CHL1: variants seen among roughly 807,000 people sequenced by gnomAD.
The protein encoded by CHL1 is cell adhesion molecule L1 like, also known as neural cell adhesion molecule L1-like protein.
In CHL1, 96 loss-of-function variants were observed where a neutral mutation model predicts 141.9. The observed-to-expected ratio is 0.68, with a 90% CI of 0.57 to 0.80. The LOEUF (loss-of-function observed/expected upper bound fraction) is 0.80, where lower values mean the gene tolerates loss of function less well. Among genes scored for constraint, CHL1 ranks in the 30% least tolerant of loss-of-function variants. The pLI, the probability that CHL1 is intolerant of heterozygous loss-of-function variation, is 0.00. For synonymous variants in CHL1, 613 were observed against 502.2 expected, an observed-to-expected ratio of 1.22 and a Z score of -2.95; for missense variants, 1,820 against 1,457.2, an observed-to-expected ratio of 1.25 and a Z score of -4.05.
At chr3:327,776 T>C (rs1319560140) in intron 4 of CHL1, among the ~76,000 whole-genome samples, 1 of 151,968 alleles carries the variant, frequency 6.6e-6, no homozygotes, top group Non-Finnish European at 1.5e-5. Context: ...TTAGCAAGTG[T>C]AATAATACTG....
chr3:301,503 C>CA (rs2124904982), intron 2 of CHL1, among the ~76,000 whole-genome samples: 1 of 152,288 alleles, frequency 6.6e-6, no homozygotes, highest in South Asian at 2.1e-4. Flanking sequence ...CCATTATCCC[C>CA]ACTGAATAAT....
intron 1 of CHL1, chr3:217,495 T>C (rs900692698): frequency 1.3e-5 from 2 of 152,142 alleles, no homozygotes; most frequent in Non-Finnish European, 2.9e-5. Context: ...AAACTTACTT[T>C]AGAAAGGATT....
intron 1 of CHL1, chr3:197,748 C>T (rs781216957): frequency 2.2e-6 from 1 of 455,122 alleles, no homozygotes; most frequent in East Asian, 7.0e-5. Context: ...CCCAGACCGC[C>T]GAGGGGCGAG....
chr3:247,914 C>G (rs570431760), intron 2 of CHL1: 1 of 151,284 alleles, frequency 6.6e-6, no homozygotes, highest in African/African-American at 2.4e-5. Flanking sequence ...TTTTTTCTTT[C>G]CCATGATATG....
intron 2 of CHL1, among the ~76,000 whole-genome samples, chr3:276,547 C>T (rs1190533504): frequency 6.6e-6 from 1 of 152,090 alleles, no homozygotes; most frequent in Non-Finnish European, 1.5e-5. Flanking sequence ...AAGAGTCGTA[C>T]ACTGATCTCA....
intron 1 of CHL1, among the ~76,000 whole-genome samples, chr3:234,258 T>C (rs1691721919): frequency 6.6e-6 from 1 of 151,850 alleles, no homozygotes; most frequent in African/African-American, 2.4e-5. Flanking sequence ...ACCAAATATC[T>C]AGAGTGAGAA....
intron 14 of CHL1, among the ~76,000 whole-genome samples, chr3:364,944 A>C (rs1704682547): frequency 6.6e-6 from 1 of 152,232 alleles, no homozygotes; most frequent in African/African-American, 2.4e-5. Flanking sequence ...TATTATTATT[A>C]AATGAATTTC....
chr3:386,652 G>A (rs1053022359), intron 19 of CHL1, among the ~76,000 whole-genome samples: 4 of 152,054 alleles, frequency 2.6e-5, no homozygotes, highest in African/African-American at 9.7e-5. Context: ...AAAACCAAAA[G>A]CCCAAAACCC....
At chr3:236,683 G>C (rs4684331) in intron 1 of CHL1, among the ~76,000 whole-genome samples, 87,604 of 150,374 alleles carry the variant, frequency 0.58, 27,697 homozygotes, top group Non-Finnish European at 0.7. Context: ...ACATTATACT[G>C]ACATTTTCTG....
At chr3:311,911 T>C (rs1030650695) in intron 2 of CHL1, among the ~76,000 whole-genome samples, 5 of 152,196 alleles carry the variant, frequency 3.3e-5, no homozygotes, top group African/African-American at 4.8e-5. Context: ...TTATTCTCCA[T>C]CCCTGTAGTC....
chr3:338,334 T>A (rs1472249930), intron 5 of CHL1, among the ~76,000 whole-genome samples: 1 of 152,226 alleles, frequency 6.6e-6, no homozygotes, highest in Non-Finnish European at 1.5e-5. Context: ...AAAAATATTT[T>A]TTTAATTTAC....
intron 2 of CHL1, among the ~76,000 whole-genome samples, chr3:276,657 AG>A (rs1289394139): frequency 6.6e-5 from 10 of 152,092 alleles, no homozygotes; most frequent in East Asian, 1.9e-4. Flanking sequence ...TGGGAGGCCG[AG>A]GGGGGCGGAT....
At position 354,673 on chromosome 3, in the gene CHL1, C is replaced by T. The variant is rs1277018903; in HGVS notation, c.1067C>T (p.Ala356Val). ...CGCTGGACAAAGAAGCCTCAGAGTG[C>T]TGTGTATAGCACCGGAAGCAATGGC... ...PPRWTKKPQSAVYSTGSNGIL... is the reference protein window; with the variant it reads ...PPRWTKKPQSVVYSTGSNGIL... Residue 356 changes from alanine to valine, a missense_variant, in exon 11 of 28, where the codon GCT becomes GTT. Physicochemically the swap from Ala to Val is moderately conservative, Grantham distance 64 (BLOSUM62 0). Coordinates refer to ENST00000256509, the MANE Select transcript of CHL1 (RefSeq NM_006614.4). 14 of 1,613,766 alleles carry T rather than the reference C, an allele frequency of 8.7e-6. No individual in the cohort carries two copies. In the South Asian group the frequency reaches 1.1e-4, roughly 13 times the overall value.
intron 2 of CHL1, among the ~76,000 whole-genome samples, chr3:266,181 C>G (rs1695132331): frequency 6.6e-6 from 1 of 152,106 alleles, no homozygotes; most frequent in Non-Finnish European, 1.5e-5. Context: ...AGGACTTGGT[C>G]CTATAGCTGT....
At chr3:354,032 T>C (rs75015244) in intron 10 of CHL1, among the ~76,000 whole-genome samples, 98 of 152,296 alleles carry the variant, frequency 6.4e-4, no homozygotes, top group African/African-American at 2.2e-3. Flanking sequence ...TTTTAAGGTA[T>C]ATTTTGCTGC....
chr3:280,237 C>G (rs1304054695), intron 2 of CHL1, among the ~76,000 whole-genome samples: 2 of 149,604 alleles, frequency 1.3e-5, no homozygotes, highest in African/African-American at 4.9e-5. Context: ...GTGTACCTAA[C>G]AGTGATGAAA....
chr3:319,217 A>G (rs1474358673), intron 2 of CHL1, among the ~76,000 whole-genome samples: 2 of 151,776 alleles, frequency 1.3e-5, no homozygotes, highest in East Asian at 3.9e-4. Flanking sequence ...ATTGTGGACT[A>G]CTAGATGGGG....
At chr3:251,831 T>C (rs1046642142) in intron 2 of CHL1, among the ~76,000 whole-genome samples, 1 of 152,176 alleles carries the variant, frequency 6.6e-6, no homozygotes, top group Non-Finnish European at 1.5e-5. Context: ...ACATATTTCT[T>C]CTACTAAAAA....
intron 26 of CHL1, among the ~76,000 whole-genome samples, chr3:400,751 G>A (rs1007592126): frequency 6.6e-6 from 1 of 151,876 alleles, no homozygotes; most frequent in Non-Finnish European, 1.5e-5. Flanking sequence ...GCAGTGAGCC[G>A]AGATCACGCC....
Sources: gnomAD v4.1 joint callset for allele counts (sites outside exome capture counted in the v4.1 genomes callset) on GRCh38, gnomAD v4.1.1 for gene constraint, MANE v1.5 for transcripts, NCBI Gene and HGNC (gene_info 2026-07-23, HGNC 2026-07-21) for gene names.